The following MIPOL1 variants were observed in gnomAD, a reference collection of about 807,000 sequenced individuals.
MIPOL1 encodes the protein mirror-image polydactyly gene 1 protein.
Under a neutral mutation model 60.9 loss-of-function variants are expected in MIPOL1, and 57 were observed. That is an observed-to-expected ratio of 0.94 (90% CI 0.76 to 1.17). The LOEUF is 1.17. MIPOL1 is among the 50% of genes most tolerant of loss of function. The probability of loss-of-function intolerance (pLI) is 0.00; values close to 1 mark genes in which losing one functional copy is unlikely to be tolerated. For missense variants in MIPOL1, 551 were observed against 511.6 expected, an observed-to-expected ratio of 1.08 and a Z score of -0.74; for synonymous variants, 179 against 168.8, an observed-to-expected ratio of 1.06 and a Z score of -0.47.
At position 37,499,933 on chromosome 14, in the gene MIPOL1, G is replaced by A. The variant is rs762408651; in HGVS notation, c.1057G>A (p.Glu353Lys). The change falls in exon 12 of 13, where the codon GAA (glutamate) becomes AAA (lysine). Residue 353 changes from glutamate (E) to lysine (K), a missense_variant. Glu to Lys is a moderately conservative substitution (Grantham distance 56). Transcript: ENST00000684589. ...TTTACACAAATCTTTATCTCAAGAA[G>A]AAAATCTGAAGGATCAGTTTAACTA... ...YSLHKSLSQE[E>K]NLKDQFNYTL... The A allele has an allele frequency of 6.3e-7, 1 of 1,586,580 alleles. No homozygotes were observed. The highest frequency in any genetic ancestry group is 1.4e-5 in the African/African-American group (1 of 73,848).
At chr14:37,281,381 T>C (rs963254523) in intron 6 of MIPOL1, among the ~76,000 whole-genome samples, 3 of 152,148 alleles carry the variant, frequency 2.0e-5, no homozygotes, top group Non-Finnish European at 4.4e-5. Flanking sequence ...TTTATGACAA[T>C]ACCATGCTGT....
At chr14:37,523,851 AC>A (rs2095429613) in intron 12 of MIPOL1, among the ~76,000 whole-genome samples, 1 of 152,172 alleles carries the variant, frequency 6.6e-6, no homozygotes, top group Non-Finnish European at 1.5e-5. Context: ...GGAAAGTATA[AC>A]AGGCAGATTA....
Position 37,399,722 on chromosome 14 carries a change from A to G in MIPOL1, c.937-23133A>G, listed in dbSNP as rs911452081. 2.6e-5 allele frequency: 4 copies of G among 152,210 alleles called. No individual in the cohort carries two copies. The East Asian group carries it at 7.7e-4, about 29-fold the overall frequency. 9.4% of individuals were successfully genotyped at this position (152,210 alleles called of 1,614,324 possible). ...CAACAATGGATGATCCATTATTGTC[A>G]ACCATAAATTATGCTTGCTCACATT... On this transcript the variant is annotated intron_variant, in intron 10 of 12. Coordinates refer to ENST00000684589, the MANE Select transcript of MIPOL1 (RefSeq NM_001388067.1).
At chr14:37,432,129 A>G (rs2094082309) in intron 11 of MIPOL1, among the ~76,000 whole-genome samples, 1 of 152,076 alleles carries the variant, frequency 6.6e-6, no homozygotes, top group Non-Finnish European at 1.5e-5. Flanking sequence ...TGCCTATCCC[A>G]TTTTTATTGA....
At chr14:37,420,730 A>G (rs2093857379) in intron 10 of MIPOL1, among the ~76,000 whole-genome samples, 1 of 152,136 alleles carries the variant, frequency 6.6e-6, no homozygotes, top group African/African-American at 2.4e-5. Flanking sequence ...ATCCAAGAGT[A>G]GAAATGATAT....
intron 10 of MIPOL1, chr14:37,396,939 A>G (rs1039798011): frequency 2.6e-5 from 4 of 152,080 alleles, no homozygotes; most frequent in Non-Finnish European, 5.9e-5. Context: ...TGCCTCCCTG[A>G]TTAGCTTAAT....
At chr14:37,347,123 T>A (rs2059811073) in intron 9 of MIPOL1, among the ~76,000 whole-genome samples, 1 of 151,998 alleles carries the variant, frequency 6.6e-6, no homozygotes, top group South Asian at 2.1e-4. Context: ...CTACTAAAGA[T>A]GGGCAAAGTG....
chr14:37,213,325 A>G (rs532470569), intron 1 of MIPOL1, among the ~76,000 whole-genome samples: 2 of 152,320 alleles, frequency 1.3e-5, no homozygotes, highest in Non-Finnish European at 2.9e-5. Context: ...AAGATAACAC[A>G]GTGAAGGAAT....
At chr14:37,290,781 G>GT (rs1212320250) in intron 7 of MIPOL1, among the ~76,000 whole-genome samples, 1 of 152,010 alleles carries the variant, frequency 6.6e-6, no homozygotes. Context: ...GGGTTGTGGG[G>GT]TTTTTTTGTA....
intron 11 of MIPOL1, among the ~76,000 whole-genome samples, chr14:37,499,678 C>T (rs919521373): frequency 6.6e-6 from 1 of 152,074 alleles, no homozygotes; most frequent in Non-Finnish European, 1.5e-5. Flanking sequence ...CATCTTGCAG[C>T]ATCTTTTTGT....
intron 7 of MIPOL1, among the ~76,000 whole-genome samples, chr14:37,297,500 A>C: frequency 6.6e-6 from 1 of 152,202 alleles, no homozygotes; most frequent in Non-Finnish European, 1.5e-5. Context: ...AATTAGGAAA[A>C]GAGGAAGTCA....
chr14:37,417,199 A>T (rs2093785372), intron 10 of MIPOL1, among the ~76,000 whole-genome samples: 1 of 152,064 alleles, frequency 6.6e-6, no homozygotes, highest in African/African-American at 2.4e-5. Flanking sequence ...TCTGGCATAC[A>T]TCTCTCTCCC....
At chr14:37,350,396 TTTTC>T (rs1465114727) in intron 9 of MIPOL1, among the ~76,000 whole-genome samples, 1 of 151,924 alleles carries the variant, frequency 6.6e-6, no homozygotes, top group Non-Finnish European at 1.5e-5. Flanking sequence ...TTTTCTTTTC[TTTTC>T]TTTTTCTTTC....
intron 12 of MIPOL1, among the ~76,000 whole-genome samples, chr14:37,534,487 A>G (rs2095496968): frequency 6.6e-6 from 1 of 152,172 alleles, no homozygotes; most frequent in Non-Finnish European, 1.5e-5. Flanking sequence ...TATTCCCAAC[A>G]TATGTGTGTG....
At chr14:37,411,116 A>G (rs2093674420) in intron 10 of MIPOL1, among the ~76,000 whole-genome samples, 1 of 152,182 alleles carries the variant, frequency 6.6e-6, no homozygotes, top group Non-Finnish European at 1.5e-5. Flanking sequence ...AAAAATATAA[A>G]AAGCATATCA....
At chr14:37,264,475 TAGTG>T (rs2082727451) in intron 3 of MIPOL1, among the ~76,000 whole-genome samples, 1 of 150,418 alleles carries the variant, frequency 6.6e-6, no homozygotes, top group African/African-American at 2.5e-5. Context: ...AAAAAAAAAT[TAGTG>T]AGGCATGGCA....
chr14:37,539,725 G>A (rs1275344572), intron 12 of MIPOL1, among the ~76,000 whole-genome samples: 3 of 152,156 alleles, frequency 2.0e-5, no homozygotes, highest in Admixed American at 6.5e-5. Flanking sequence ...ATGATTTAAA[G>A]GGTAGGTGTA....
chr14:37,494,729 A>T (rs1349423961), intron 11 of MIPOL1, among the ~76,000 whole-genome samples: 1 of 152,216 alleles, frequency 6.6e-6, no homozygotes, highest in East Asian at 1.9e-4. Flanking sequence ...AAGTTGTGAC[A>T]TTTAGTGAGT....
chr14:37,406,216 G>T (rs1440578220), intron 10 of MIPOL1, among the ~76,000 whole-genome samples: 1 of 152,032 alleles, frequency 6.6e-6, no homozygotes, highest in Non-Finnish European at 1.5e-5. Context: ...TTCTATGCAG[G>T]CAGTTCTTTA....
Sources: allele counts gnomAD v4.1 joint callset (sites outside exome capture counted in the v4.1 genomes callset), GRCh38; gene constraint gnomAD v4.1.1; transcripts MANE v1.5; gene names NCBI Gene and HGNC (gene_info 2026-07-23, HGNC 2026-07-21).